Variants in CDKAL1 observed in about 807,000 individuals in gnomAD.
CDKAL1 encodes the protein threonylcarbamoyladenosine tRNA methylthiotransferase.
Under a neutral mutation model 68.2 loss-of-function variants are expected in CDKAL1, and 32 were observed. The ratio of observed to expected loss-of-function variants is 0.47; its 90% CI spans 0.35 to 0.63. The LOEUF is 0.63. Among genes scored for constraint, CDKAL1 ranks in the 30% least tolerant of loss-of-function variants. The pLI is 0.00. For synonymous variants in CDKAL1, 234 were observed against 244.3 expected (o/e 0.96, Z 0.39); for missense variants, 606 against 696.7 (o/e 0.87, Z 1.47).
chr6:20,832,440 C>T (rs1777755346), intron 8 of CDKAL1, among the ~76,000 whole-genome samples: 1 of 151,462 alleles, frequency 6.6e-6, no homozygotes, highest in South Asian at 2.1e-4. Flanking sequence ...AATTTGTTAG[C>T]CTGGTTAACA....
intron 11 of CDKAL1, among the ~76,000 whole-genome samples, chr6:21,052,504 A>G (rs1013651424): frequency 6.7e-5 from 10 of 149,546 alleles, no homozygotes; most frequent in Non-Finnish European, 4.4e-5. Flanking sequence ...ACACACCACC[A>G]CACCTGGCTA....
At chr6:20,961,731 C>T (rs2150738149) in intron 10 of CDKAL1, among the ~76,000 whole-genome samples, 1 of 149,622 alleles carries the variant, frequency 6.7e-6, no homozygotes, top group Middle Eastern at 3.4e-3. Flanking sequence ...CGCACCACCG[C>T]ACTCCAGCCT....
At chr6:20,735,296 A>G (rs1013215827) in intron 5 of CDKAL1, among the ~76,000 whole-genome samples, 1 of 148,284 alleles carries the variant, frequency 6.7e-6, no homozygotes, top group Non-Finnish European at 1.5e-5. Flanking sequence ...AGACTGGGTA[A>G]TTTATTAAAA....
At chr6:21,151,102 A>G (rs1179310255) in intron 13 of CDKAL1, among the ~76,000 whole-genome samples, 1 of 152,192 alleles carries the variant, frequency 6.6e-6, no homozygotes, top group Non-Finnish European at 1.5e-5. Flanking sequence ...TATCAATGTC[A>G]TTTCCAAGCC....
At chr6:20,724,113 T>A (rs113542302) in intron 5 of CDKAL1, among the ~76,000 whole-genome samples, 1 of 152,072 alleles carries the variant, frequency 6.6e-6, no homozygotes. Context: ...TTTTTTGTAT[T>A]TTTTGGTAGA....
intron 13 of CDKAL1, among the ~76,000 whole-genome samples, chr6:21,180,300 C>CT: frequency 6.6e-6 from 1 of 151,326 alleles, no homozygotes; most frequent in East Asian, 1.9e-4. Context: ...TTCCTACCCA[C>CT]TACCACCTTC....
chr6:21,119,773 A>G (rs1262843704), intron 13 of CDKAL1, among the ~76,000 whole-genome samples: 1 of 152,114 alleles, frequency 6.6e-6, no homozygotes, highest in Non-Finnish European at 1.5e-5. Context: ...GCTCTTCAAC[A>G]TGGTGCATTT....
intron 2 of CDKAL1, among the ~76,000 whole-genome samples, chr6:20,544,269 C>T (rs566609782): frequency 1.1e-4 from 16 of 152,162 alleles, no homozygotes; most frequent in South Asian, 1.0e-3. Context: ...ACCAATACCA[C>T]GGTCTCAATT....
At chr6:20,825,864 A>T (rs1777482861) in intron 8 of CDKAL1, among the ~76,000 whole-genome samples, 1 of 152,100 alleles carries the variant, frequency 6.6e-6, no homozygotes, top group South Asian at 2.1e-4. Flanking sequence ...AGACCCCTGT[A>T]GTCTTATTAA....
intron 5 of CDKAL1, among the ~76,000 whole-genome samples, chr6:20,659,445 A>G (rs747985683): frequency 3.3e-5 from 5 of 152,194 alleles, no homozygotes; most frequent in Non-Finnish European, 5.9e-5. Context: ...TTGCCCACCA[A>G]AAAGTATCCT....
At position 20,534,553 on chromosome 6, in the gene CDKAL1, G is replaced by T. The variant is rs1013393777; in HGVS notation, c.-71G>T. On this transcript the variant is annotated 5_prime_UTR_variant, in exon 1 of 16. Coordinates refer to ENST00000274695, the MANE Select transcript of CDKAL1 (RefSeq NM_017774.3). ...GGGTTGATTTTCTCACTTTGGACTG[G>T]TTTTTACTTCCCGACTTCTGGGTAA... 1 of 152,806 alleles carries T rather than the reference G, an allele frequency of 6.5e-6. No individual in the cohort carries two copies. The highest frequency in any genetic ancestry group is 1.5e-5 in the Non-Finnish European group (1 of 68,098). The allele number at this position is 152,806 out of a possible 1,614,324, so 9.5% of individuals were successfully genotyped here. A position where few individuals can be genotyped will look rare whatever the true frequency, so the allele number is the denominator to read the frequency against.
intron 9 of CDKAL1, among the ~76,000 whole-genome samples, chr6:20,862,952 G>A (rs1024631894): frequency 1.3e-5 from 2 of 152,118 alleles, no homozygotes; most frequent in African/African-American, 2.4e-5. Flanking sequence ...ACTTGAACCC[G>A]GAGGCAGAGG....
intron 3 of CDKAL1, 44 bp downstream of exon 3, chr6:20,546,567 C>A (rs1439595442): frequency 2.0e-6 from 3 of 1,534,124 alleles, no homozygotes; most frequent in Non-Finnish European, 2.7e-6. Context: ...CTTTTTTTTT[C>A]TTTTGAGACA....
Position 21,107,988 on chromosome 6 carries a change from G to A in CDKAL1, c.1237-413G>A, listed in dbSNP as rs145911163. On this transcript the variant is annotated intron_variant, in intron 12 of 15. Transcript: ENST00000274695. ...CCAGGAAGCCTGAAGGAGGTGTATCGTTTAAATGAATGCATGTCTGTGCCC... is the reference window on the plus strand; with the variant it reads ...CCAGGAAGCCTGAAGGAGGTGTATCATTTAAATGAATGCATGTCTGTGCCC... Among the ~76,000 whole-genome samples the A allele has an allele frequency of 8.5e-5, 13 of 152,324 alleles. No individual in the cohort carries two copies. In the East Asian group the frequency reaches 1.7e-3, roughly 20 times the overall value.
intron 8 of CDKAL1, among the ~76,000 whole-genome samples, chr6:20,822,900 TA>T (rs1777345397): frequency 6.6e-6 from 1 of 152,174 alleles, no homozygotes; most frequent in Admixed American, 6.5e-5. Context: ...GGCAGTTCTT[TA>T]TAGCCATGTG....
At chr6:20,769,764 C>G (rs7772390) in intron 7 of CDKAL1, among the ~76,000 whole-genome samples, 67,948 of 151,930 alleles carry the variant, frequency 0.45, 15,411 homozygotes, top group South Asian at 0.5. Context: ...TAACTTCTGT[C>G]TAGCTCTTTG....
chr6:21,065,177 C>T lies in CDKAL1; in HGVS notation c.1185C>T (p.Tyr395=), dbSNP rs1771367153. 6.2e-7 allele frequency: 1 copy of T among 1,610,020 alleles called. No homozygotes were observed. The highest frequency in any genetic ancestry group is 1.7e-5 in the Admixed American group (1 of 59,440). ...CAAGCCTGTTTATTAACCAATTTTA[C>T]CCAAGACCAGGAACTCCTGCTGCAA... is the stretch of plus-strand genomic sequence containing the variant. The part of the protein sequence containing the change: ...KFPSLFINQF[Y]PRPGTPAAKM... The change falls in exon 12 of 16, where the codon TAC becomes TAT. Residue 395 remains tyrosine (Y), a synonymous_variant. Transcript: ENST00000274695.
intron 9 of CDKAL1, among the ~76,000 whole-genome samples, chr6:20,870,914 A>T (rs937870744): frequency 3.3e-5 from 5 of 152,226 alleles, no homozygotes; most frequent in Admixed American, 3.3e-4. Flanking sequence ...GATCCATAGC[A>T]TAAAAATGAT....
At chr6:21,147,881 T>G (rs1017281357) in intron 13 of CDKAL1, among the ~76,000 whole-genome samples, 31 of 152,384 alleles carry the variant, frequency 2.0e-4, no homozygotes, top group African/African-American at 7.5e-4. Flanking sequence ...GCTTAATGCT[T>G]ACTTTTTAAC....
Sources: gnomAD v4.1 joint callset for allele counts (sites outside exome capture counted in the v4.1 genomes callset) on GRCh38, gnomAD v4.1.1 for gene constraint, MANE v1.5 for transcripts, NCBI Gene and HGNC (gene_info 2026-07-23, HGNC 2026-07-21) for gene names.